Variants in FAM193A observed in about 807,000 individuals in gnomAD.
FAM193A encodes the protein protein FAM193A.
FAM193A carries 22 observed loss-of-function variants against 126.5 expected under a neutral mutation model. The ratio of observed to expected loss-of-function variants is 0.17; its 90% confidence interval spans 0.12 to 0.25. The LOEUF (loss-of-function observed/expected upper bound fraction) is 0.25, where lower values mean the gene tolerates loss of function less well. FAM193A is among the 10% of genes least tolerant of loss of function. The probability of loss-of-function intolerance (pLI) is 1.00; values close to 1 mark genes in which losing one functional copy is unlikely to be tolerated. For missense variants in FAM193A, 1,675 were observed against 1,672.8 expected (o/e 1.00, Z -0.02); for synonymous variants, 761 against 646.8 (o/e 1.18, Z -2.68).
intron 1 of FAM193A, among the ~76,000 whole-genome samples, chr4:2,554,869 G>A (rs1338952310): frequency 1.3e-5 from 2 of 152,068 alleles, no homozygotes; most frequent in Non-Finnish European, 2.9e-5. Flanking sequence ...GCTTTTGTCT[G>A]ATACTACTAA....
chr4:2,538,791 G>A lies in FAM193A; in HGVS notation c.255+1621G>A, dbSNP rs1470179002. Among the ~76,000 whole-genome samples the A allele has an allele frequency of 9.9e-5, 15 of 152,212 alleles. 1 individual carries two copies. The South Asian group carries it at 3.1e-3, about 32-fold the overall frequency. ...CTATTGATTCAATAAAAACCAGTTG[G>A]TGGCACAATAAAATTCTTAGTTTTA... On this transcript the variant is annotated intron_variant, in intron 1 of 20. Transcript: ENST00000637812.
intron 12 of FAM193A, among the ~76,000 whole-genome samples, chr4:2,669,655 G>T (rs1237009016): frequency 6.6e-6 from 1 of 152,164 alleles, no homozygotes; most frequent in Non-Finnish European, 1.5e-5. Flanking sequence ...TTTAGGAATA[G>T]CTTTAGACTC....
intron 2 of FAM193A, among the ~76,000 whole-genome samples, chr4:2,604,791 CTTTTTTTTTT>C (rs869148370): frequency 1.0e-3 from 102 of 99,642 alleles, no homozygotes; most frequent in African/African-American, 3.7e-3. Context: ...TTTCTTTTTC[CTTTTTTTTTT>C]TTTTTTTTTT....
At position 2,693,571 on chromosome 4, in the gene FAM193A, C is replaced by T. The variant is rs1411189272; in HGVS notation, c.2804-15C>T. On this transcript the variant is annotated splice_polypyrimidine_tract_variant and intron_variant, in intron 15 of 20. Transcript: ENST00000637812. ...GAAACAAACTTGGCAGTGACTCTCG[C>T]CTCTCTAAATGCAGGTGACGTGTTT... 1.9e-6 allele frequency: 3 copies of T among 1,599,648 alleles called. No individual in the cohort carries two copies. The South Asian group carries it at 3.3e-5, about 18-fold the overall frequency.
chr4:2,570,981 T>A (rs189523450), intron 1 of FAM193A, among the ~76,000 whole-genome samples: 3 of 152,216 alleles, frequency 2.0e-5, no homozygotes, highest in East Asian at 1.9e-4. Context: ...GTTCACACAC[T>A]CAGTTTCGCT....
At chr4:2,699,360 C>T (rs1717403660) in intron 18 of FAM193A, among the ~76,000 whole-genome samples, 1 of 150,832 alleles carries the variant, frequency 6.6e-6, no homozygotes, top group South Asian at 2.1e-4. Flanking sequence ...TGGATGTGTG[C>T]TTTGCAGCTG....
chr4:2,696,000 C>T (rs1374631284), intron 17 of FAM193A, among the ~76,000 whole-genome samples: 2 of 151,618 alleles, frequency 1.3e-5, no homozygotes, highest in African/African-American at 4.8e-5. Context: ...TGCACTCCAA[C>T]CTGGGTGACA....
chr4:2,585,293 T>C (rs34426783), intron 1 of FAM193A, among the ~76,000 whole-genome samples: 4,846 of 152,310 alleles, frequency 0.032, 92 homozygotes, highest in South Asian at 0.077. Flanking sequence ...ACAGTCTTCA[T>C]GTAATGCCTA....
intron 5 of FAM193A, 81 bp downstream of exon 5, chr4:2,631,250 T>A: frequency 7.4e-7 from 1 of 1,348,512 alleles, no homozygotes; most frequent in Non-Finnish European, 1.0e-6. Context: ...CTCACGCATG[T>A]GTGCCGACCT....
chr4:2,614,374 A>G (rs1278924735), intron 2 of FAM193A, among the ~76,000 whole-genome samples: 1 of 152,248 alleles, frequency 6.6e-6, no homozygotes, highest in Non-Finnish European at 1.5e-5. Flanking sequence ...TGTTAAGATG[A>G]TAACAGAGTT....
At chr4:2,536,388 C>T (rs1736871979), upstream of FAM193A, among the ~76,000 whole-genome samples, 1 of 151,906 alleles carries the variant, frequency 6.6e-6, no homozygotes, top group Admixed American at 6.6e-5. Flanking sequence ...CTCCTCCCAG[C>T]GCCCGGGCCC....
intron 1 of FAM193A, among the ~76,000 whole-genome samples, chr4:2,546,740 A>G (rs1483385039): frequency 1.3e-5 from 2 of 152,204 alleles, no homozygotes; most frequent in East Asian, 1.9e-4. Flanking sequence ...ATGTCTATAC[A>G]GGATTTTTGT....
intron 13 of FAM193A, among the ~76,000 whole-genome samples, chr4:2,675,299 T>G (rs1284217303): frequency 6.6e-6 from 1 of 152,234 alleles, no homozygotes; most frequent in Non-Finnish European, 1.5e-5. Flanking sequence ...TCAGCAACTA[T>G]GTTTTGACTG....
intron 4 of FAM193A, among the ~76,000 whole-genome samples, chr4:2,630,416 A>G (rs1399515744): frequency 6.6e-6 from 1 of 152,130 alleles, no homozygotes; most frequent in Admixed American, 6.5e-5. Context: ...GAACTTCTAG[A>G]AAGAAGGAAA....
At chr4:2,683,267 TG>T (rs1377044732) in intron 13 of FAM193A, among the ~76,000 whole-genome samples, 6 of 152,062 alleles carry the variant, frequency 3.9e-5, no homozygotes, top group African/African-American at 1.4e-4. Flanking sequence ...CCCACCCAGC[TG>T]CTTTCAAGAT....
intron 2 of FAM193A, among the ~76,000 whole-genome samples, chr4:2,621,875 C>T (rs968077969): frequency 2.0e-5 from 3 of 152,146 alleles, no homozygotes; most frequent in African/African-American, 4.8e-5. Flanking sequence ...CCTACCATGC[C>T]TCTTCAGTCA....
chr4:2,677,074 G>A (rs61791164), intron 13 of FAM193A, among the ~76,000 whole-genome samples: 3,488 of 152,198 alleles, frequency 0.023, 61 homozygotes, highest in Non-Finnish European at 0.036. Context: ...TAAGAGTTTT[G>A]TTCTTTCCTT....
In FAM193A at chr4:2,639,825, C is replaced by G; in HGVS notation, c.1129C>G (p.Gln377Glu). ...TCTGGTCTTTTCGGAGCCACTTCTTCAGAGCAACTTGCCCGCACTGGTGTC... is the reference window on the plus strand; with the variant it reads ...TCTGGTCTTTTCGGAGCCACTTCTTGAGAGCAACTTGCCCGCACTGGTGTC... ...ENLVFSEPLLQSNLPALVSQI... is the reference protein window; with the variant it reads ...ENLVFSEPLLESNLPALVSQI... Residue 377 changes from glutamine to glutamate, a missense_variant, in exon 6 of 21, where the codon CAG becomes GAG. Gln to Glu is a conservative substitution (Grantham distance 29, BLOSUM62 2). Coordinates refer to ENST00000637812, the MANE Select transcript of FAM193A (RefSeq NM_001366318.2). The G allele has an allele frequency of 6.2e-7, 1 of 1,614,146 alleles. No individual in the cohort carries two copies. The highest frequency in any genetic ancestry group is 8.5e-7 in the Non-Finnish European group (1 of 1,180,006).
At chr4:2,717,577 CAGAG>C (rs146625752) in intron 20 of FAM193A, among the ~76,000 whole-genome samples, 3,334 of 132,856 alleles carry the variant, frequency 0.025, 139 homozygotes, top group African/African-American at 0.088. Context: ...GCCTGGGAAA[CAGAG>C]AGAGACTTTG....
Sources: gnomAD v4.1 joint callset for allele counts (sites outside exome capture counted in the v4.1 genomes callset) on GRCh38, gnomAD v4.1.1 for gene constraint, MANE v1.5 for transcripts, NCBI Gene and HGNC (gene_info 2026-07-23, HGNC 2026-07-21) for gene names.